The following FGF12 variants were observed in gnomAD, a reference collection of about 807,000 sequenced individuals.
FGF12 encodes the protein fibroblast growth factor 12.
FGF12 carries 14 observed loss-of-function variants against 23.6 expected under a neutral mutation model. That is an observed-to-expected ratio of 0.59 (90% CI 0.39 to 0.93). The LOEUF is 0.93. Ranked by LOEUF, FGF12 falls within the 40% of genes least tolerant of loss-of-function variation. The pLI is 0.00. For missense variants in FGF12, 175 were observed against 217.8 expected, an observed-to-expected ratio of 0.80 and a Z score of 1.24; for synonymous variants, 62 against 77.3, an observed-to-expected ratio of 0.80 and a Z score of 1.04.
rs10662970 is a variant in FGF12 at position 192,373,286 on chromosome 3, AT to A, written c.14-12749del. Among the ~76,000 whole-genome samples the A allele has an allele frequency of 9.4e-3, 1,326 of 141,388 alleles. 12 individuals are homozygous for A. The highest frequency in any genetic ancestry group is 0.025 in the African/African-American group (974 of 39,032). 92.8% of individuals were successfully genotyped at this position (141,388 alleles called of 152,430 possible). A position where few individuals can be genotyped will look rare whatever the true frequency, so the allele number is the denominator to read the frequency against. On this transcript the variant is annotated intron_variant, in intron 2 of 5. Coordinates refer to ENST00000445105, the MANE Select transcript of FGF12 (RefSeq NM_004113.6). ...GCCCATTAACATACAGGAAGCAAAC[AT>A]TTTTTTTTTTTTTCAGTGACCTAGT...
At chr3:192,176,983 C>T (rs1715900778) in intron 4 of FGF12, among the ~76,000 whole-genome samples, 1 of 152,184 alleles carries the variant, frequency 6.6e-6, no homozygotes. Context: ...GTTTGTAAAA[C>T]TGTGTAAGTT....
At chr3:192,248,595 A>G (rs778883187) in intron 4 of FGF12, among the ~76,000 whole-genome samples, 29 of 152,156 alleles carry the variant, frequency 1.9e-4, no homozygotes, top group Non-Finnish European at 3.8e-4. Context: ...CAACATAGTG[A>G]GACCCCGTCT....
intron 4 of FGF12, among the ~76,000 whole-genome samples, chr3:192,291,007 T>C (rs1714728926): frequency 6.6e-6 from 1 of 152,186 alleles, no homozygotes; most frequent in Non-Finnish European, 1.5e-5. Context: ...TATGTGTGTG[T>C]ATTTATCTAT....
intron 4 of FGF12, chr3:192,268,646 C>A: frequency 2.3e-6 from 1 of 436,052 alleles, no homozygotes; most frequent in Non-Finnish European, 4.6e-6. Flanking sequence ...TGCCATGTGA[C>A]ATACCTGCTC....
chr3:192,160,496 A>G (rs149503097), intron 5 of FGF12, among the ~76,000 whole-genome samples: 1,545 of 152,292 alleles, frequency 0.01, 22 homozygotes, highest in African/African-American at 0.034. Flanking sequence ...CTGTTCAAAC[A>G]TCATTTACGT....
intron 2 of FGF12, among the ~76,000 whole-genome samples, chr3:192,661,340 G>A (rs919669804): frequency 6.6e-6 from 1 of 152,160 alleles, no homozygotes; most frequent in African/African-American, 2.4e-5. Flanking sequence ...TGACCAACAG[G>A]GTGAAACCCC....
At chr3:192,491,058 A>G (rs1334254313) in intron 2 of FGF12, among the ~76,000 whole-genome samples, 2 of 152,140 alleles carry the variant, frequency 1.3e-5, no homozygotes, top group Admixed American at 1.3e-4. Context: ...CCAAAGCAAA[A>G]AAGTTTACTC....
intron 4 of FGF12, chr3:192,268,517 A>C (rs1713223820): frequency 5.4e-6 from 1 of 186,266 alleles, no homozygotes; most frequent in African/African-American, 2.4e-5. Context: ...TCATGGGAGC[A>C]GATGCCTCAT....
At chr3:192,618,247 T>TAAAAA (rs78960252) in intron 2 of FGF12, among the ~76,000 whole-genome samples, 1 of 125,490 alleles carries the variant, frequency 8.0e-6, no homozygotes, top group African/African-American at 2.9e-5. Flanking sequence ...CATGGGGAAC[T>TAAAAA]AAAAAAAAAA....
intron 2 of FGF12, among the ~76,000 whole-genome samples, chr3:192,689,683 G>A (rs1185718738): frequency 6.6e-6 from 1 of 151,818 alleles, no homozygotes; most frequent in Admixed American, 6.6e-5. Flanking sequence ...CATCAAGAGA[G>A]CTATTTTTTG....
chr3:192,443,640 T>C (rs561949712), intron 2 of FGF12, among the ~76,000 whole-genome samples: 1 of 152,294 alleles, frequency 6.6e-6, no homozygotes, highest in Non-Finnish European at 1.5e-5. Context: ...AAGACCTGAG[T>C]TCAAAATGTC....
At chr3:192,308,074 A>G (rs1458943737) in intron 4 of FGF12, among the ~76,000 whole-genome samples, 8 of 152,238 alleles carry the variant, frequency 5.3e-5, no homozygotes, top group Admixed American at 5.2e-4. Context: ...TCTATGCTCC[A>G]TACTTATATT....
rs550693874 is a variant in FGF12, at chr3:192,262,785, AT to A, written c.228+72575del. 1.5e-3 allele frequency among the ~76,000 whole-genome samples: 221 copies of A among 149,948 alleles called. 1 individual carries two copies. Among genetic ancestry groups the A allele is most frequent in the Middle Eastern group, 0.01 (3 of 290 alleles). On this transcript the variant is annotated intron_variant, in intron 4 of 5. Coordinates refer to ENST00000445105, the MANE Select transcript of FGF12 (RefSeq NM_004113.6). ...AATCATTAAGTGACACGTGACTGTA[AT>A]TTTTTTTTTCCAATCAAGTGCTCCT...
intron 2 of FGF12, among the ~76,000 whole-genome samples, chr3:192,448,009 T>C (rs536781055): frequency 1.1e-4 from 16 of 152,352 alleles, no homozygotes; most frequent in Admixed American, 3.3e-4. Flanking sequence ...CAATGTTATG[T>C]CTTTGAAATT....
intron 4 of FGF12, among the ~76,000 whole-genome samples, chr3:192,231,592 A>T (rs1042050319): frequency 2.0e-5 from 3 of 152,014 alleles, no homozygotes; most frequent in Admixed American, 1.3e-4. Context: ...CAACATGGTG[A>T]AACCCCATCT....
intron 2 of FGF12, among the ~76,000 whole-genome samples, chr3:192,490,495 ATG>A (rs1384155577): frequency 3.3e-5 from 5 of 152,004 alleles, no homozygotes; most frequent in Non-Finnish European, 7.4e-5. Flanking sequence ...ATGTGTATGT[ATG>A]TGTATACACA....
At chr3:192,241,062 T>C (rs1473260710) in intron 4 of FGF12, among the ~76,000 whole-genome samples, 2 of 152,198 alleles carry the variant, frequency 1.3e-5, no homozygotes, top group Middle Eastern at 6.3e-3. Flanking sequence ...GTCTTTAATA[T>C]CTAGCCACAG....
intron 2 of FGF12, among the ~76,000 whole-genome samples, chr3:192,375,942 A>G (rs1719473491): frequency 6.6e-6 from 1 of 152,194 alleles, no homozygotes; most frequent in Non-Finnish European, 1.5e-5. Context: ...TTCTTTTAAA[A>G]TATTGTATCT....
rs750422316 is a variant in FGF12, at chr3:192,723,874, A to AGAGAG, written c.13+3302_13+3306dup. Among the ~76,000 whole-genome samples the AGAGAG allele has an allele frequency of 1.8e-3, 235 of 131,048 alleles. 4 individuals carry two copies. The highest frequency in any genetic ancestry group is 0.011 in the Middle Eastern group (3 of 268). 86.0% of individuals were successfully genotyped at this position (131,048 alleles called of 152,430 possible). Reference sequence around the variant, plus strand: ...GTGTGTGTGTGTGTGAGAGAGAGAGAGAGAGGAGAGGAGAGGAGAGGAGAG... The same window carrying AGAGAG: ...GTGTGTGTGTGTGTGAGAGAGAGAGAGAGAGGAGAGGAGAGGAGAGGAGAGGAGAG... On this transcript the variant is annotated intron_variant, in intron 2 of 5. Transcript: ENST00000445105.
Sources: gnomAD v4.1 joint callset for allele counts (sites outside exome capture counted in the v4.1 genomes callset) on GRCh38, gnomAD v4.1.1 for gene constraint, MANE v1.5 for transcripts, NCBI Gene and HGNC (gene_info 2026-07-23, HGNC 2026-07-21) for gene names.